USP33: variants seen among roughly 807,000 people sequenced by gnomAD.
The protein encoded by USP33 is ubiquitin carboxyl-terminal hydrolase 33.
In USP33, 46 loss-of-function variants were observed where a neutral mutation model predicts 124.2. The observed-to-expected ratio is 0.37, with a 90% CI of 0.29 to 0.47. The LOEUF is 0.47. Among genes scored for constraint, USP33 ranks in the 20% least tolerant of loss-of-function variants. The pLI is 0.99. For synonymous variants in USP33, 350 were observed against 352.3 expected, an observed-to-expected ratio of 0.99 and a Z score of 0.07; for missense variants, 851 against 1,070.6, an observed-to-expected ratio of 0.79 and a Z score of 2.86.
At chr1:77,701,093 C>A (rs540881796) in intron 22 of USP33, among the ~76,000 whole-genome samples, 1 of 152,130 alleles carries the variant, frequency 6.6e-6, no homozygotes, top group Non-Finnish European at 1.5e-5. Context: ...TTTAAGCAAC[C>A]TCTTATTCCT....
intron 4 of USP33, among the ~76,000 whole-genome samples, chr1:77,740,675 A>C (rs992996069): frequency 3.9e-5 from 6 of 152,222 alleles, no homozygotes; most frequent in African/African-American, 1.4e-4. Context: ...TTTTGAAATC[A>C]GTGCTTTCTT....
At chr1:77,738,533 T>A (rs1570830719) in intron 5 of USP33, among the ~76,000 whole-genome samples, 1 of 151,738 alleles carries the variant, frequency 6.6e-6, no homozygotes. Context: ...TAGGCTGGAG[T>A]GCAGTGGCAA....
rs1673419132 is a variant in USP33, at chr1:77,696,019, A to AT, written c.*1297dup. ...TTTTAAAGACATTTTTATTGAGCTAATTTTAACAACATTGCTTTAGCTGGT... is the reference window on the plus strand; with the variant it reads ...TTTTAAAGACATTTTTATTGAGCTAATTTTTAACAACATTGCTTTAGCTGGT... On this transcript the variant is annotated 3_prime_UTR_variant, in exon 24 of 24. Coordinates refer to ENST00000370794, the MANE Select transcript of USP33 (RefSeq NM_201624.3). 6.6e-6 allele frequency: 1 copy of AT among 152,242 alleles called. No individual in the cohort carries two copies. Among genetic ancestry groups the AT allele is most frequent in the Non-Finnish European group, 1.5e-5 (1 of 68,044 alleles). 9.4% of individuals were successfully genotyped at this position (152,242 alleles called of 1,614,324 possible).
chr1:77,705,117 T>TAA (rs1432573442), intron 21 of USP33, among the ~76,000 whole-genome samples: 50 of 91,452 alleles, frequency 5.5e-4, no homozygotes, highest in African/African-American at 3.1e-3. Context: ...ATGCTTTGTT[T>TAA]AAAAAAAAAA....
intron 8 of USP33, 145 bp downstream of exon 8, chr1:77,730,473 A>C (rs1328351011): frequency 1.8e-5 from 9 of 513,566 alleles, no homozygotes; most frequent in Non-Finnish European, 2.6e-5. Context: ...TTCAGCTTCA[A>C]ATGTAACATG....
At chr1:77,703,342 C>A (rs949335605) in intron 21 of USP33, among the ~76,000 whole-genome samples, 1 of 152,068 alleles carries the variant, frequency 6.6e-6, no homozygotes, top group African/African-American at 2.4e-5. Context: ...AAAACTCCAA[C>A]CTGGGCCAGG....
In USP33 at chr1:77,728,749, A is replaced by T. The variant is rs191579716; in HGVS notation, c.718-37T>A. 5.7e-5 allele frequency: 90 copies of T among 1,575,130 alleles called. 3 individuals carry two copies. The African/African-American group carries it at 1.2e-3, about 21-fold the overall frequency. On this transcript the variant is annotated intron_variant, in intron 9 of 23. Coordinates refer to ENST00000370794, the MANE Select transcript of USP33 (RefSeq NM_201624.3). ...GCAACATAATGTTAACCACTTCATTACATGTGTATATAGAAACGTAAGGGA... is the reference window on the plus strand; with the variant it reads ...GCAACATAATGTTAACCACTTCATTTCATGTGTATATAGAAACGTAAGGGA...
chr1:77,745,681 C>T (rs1679670445), intron 1 of USP33: 2 of 152,180 alleles, frequency 1.3e-5, no homozygotes, highest in South Asian at 4.1e-4. Context: ...AACAAACTGT[C>T]TCTCAGACCA....
chr1:77,699,054 TAAAA>T (rs995539857), intron 22 of USP33, among the ~76,000 whole-genome samples: 2 of 151,620 alleles, frequency 1.3e-5, no homozygotes, highest in African/African-American at 4.9e-5. Flanking sequence ...AATTTACAAT[TAAAA>T]AAACCCAATT....
chr1:77,741,257 T>G (rs1433851030), intron 3 of USP33, 119 bp downstream of exon 3: 1 of 1,002,834 alleles, frequency 1.0e-6, no homozygotes, highest in African/African-American at 1.6e-5. Context: ...AATGACCTTT[T>G]AAAAGCAAGT....
In USP33 at chr1:77,714,527, T is replaced by C. The variant is rs1190872068; in HGVS notation, c.2215+87A>G. ...TGCAGGTGGGGAAATGGGAAATAAG[T>C]GGGAGAGGAAAATTCTTGGCTCTCC... On this transcript the variant is annotated intron_variant, in intron 19 of 23. Transcript: ENST00000370794. The C allele has an allele frequency of 4.4e-6, 6 of 1,353,998 alleles. No homozygotes were observed. In the African/African-American group the frequency reaches 5.9e-5, roughly 13 times the overall value. 83.9% of individuals were successfully genotyped at this position (1,353,998 alleles called of 1,614,324 possible). A position where few individuals can be genotyped will look rare whatever the true frequency, so the allele number is the denominator to read the frequency against.
At chr1:77,752,558 C>T (rs1680434524) in intron 1 of USP33, among the ~76,000 whole-genome samples, 2 of 152,032 alleles carry the variant, frequency 1.3e-5, no homozygotes, top group South Asian at 4.2e-4. Flanking sequence ...CATAAAAAGT[C>T]AGATTCACAT....
At chr1:77,758,175 C>CTTTTTTTTTTTTTTTT (rs1185358841) in intron 1 of USP33, among the ~76,000 whole-genome samples, 1 of 94,284 alleles carries the variant, frequency 1.1e-5, no homozygotes, top group Non-Finnish European at 2.0e-5. Context: ...TTGTACTGTC[C>CTTTTTTTTTTTTTTTT]TTTTTTTTTT....
chr1:77,751,819 G>T (rs1680365325), intron 1 of USP33, among the ~76,000 whole-genome samples: 1 of 151,612 alleles, frequency 6.6e-6, no homozygotes. Flanking sequence ...CTCCTGAGTA[G>T]CTGGGACTAC....
rs1422443662 is a variant in USP33, at chr1:77,728,694, G to A, written c.736C>T (p.Arg246Ter). ...TCATGAAGCAAATCCATTAAACATC[G>A]AAGGAATTCTTGAGCATCCTAATAT... The part of the protein sequence containing the change: ...YSQQDAQEFL[R>*]CLMDLLHEEL... Residue 246 changes from arginine (R) to a stop codon, truncating the protein, a stop_gained, in exon 10 of 24, where the codon CGA becomes TGA. Transcript: ENST00000370794. LOFTEE classifies it high-confidence loss of function. The A allele has an allele frequency of 3.7e-6, 6 of 1,612,326 alleles. No individual in the cohort carries two copies. Among genetic ancestry groups the A allele is most frequent in the African/African-American group, 1.3e-5 (1 of 74,752 alleles).
At chr1:77,744,810 A>C (rs545569267) in intron 1 of USP33, among the ~76,000 whole-genome samples, 1 of 152,358 alleles carries the variant, frequency 6.6e-6, no homozygotes, top group Admixed American at 6.5e-5. Context: ...ACACCACTGC[A>C]TTCCAGTCTG....
chr1:77,714,003 C>T (rs1474379113), intron 19 of USP33, among the ~76,000 whole-genome samples: 3 of 152,176 alleles, frequency 2.0e-5, no homozygotes, highest in African/African-American at 7.2e-5. Context: ...ACATAATTAC[C>T]ATGAATATCC....
At chr1:77,738,430 A>G (rs1678726483) in intron 5 of USP33, among the ~76,000 whole-genome samples, 1 of 152,176 alleles carries the variant, frequency 6.6e-6, no homozygotes, top group South Asian at 2.1e-4. Flanking sequence ...TAAATTCTGC[A>G]AGCAAACCCA....
rs190908126 is a variant in USP33, at chr1:77,754,135, T to C, written c.-52+5508A>G. 3.4e-3 allele frequency among the ~76,000 whole-genome samples: 518 copies of C among 152,134 alleles called. 2 individuals carry two copies. The highest frequency in any genetic ancestry group is 4.9e-3 in the Non-Finnish European group (331 of 67,984). On this transcript the variant is annotated intron_variant, in intron 1 of 23. Coordinates refer to ENST00000370794, the MANE Select transcript of USP33 (RefSeq NM_201624.3). ...GTTCCCCATAATTGTTACACAGAGGTTGGGTAACTGTCAGAGGTGCTTCAA... is the reference window on the plus strand; with the variant it reads ...GTTCCCCATAATTGTTACACAGAGGCTGGGTAACTGTCAGAGGTGCTTCAA...
Sources: allele counts gnomAD v4.1 joint callset (sites outside exome capture counted in the v4.1 genomes callset), GRCh38; gene constraint gnomAD v4.1.1; transcripts MANE v1.5; gene names NCBI Gene and HGNC (gene_info 2026-07-23, HGNC 2026-07-21).